The following TMPRSS9 variants were observed in gnomAD, a reference collection of about 807,000 sequenced individuals.
TMPRSS9 encodes the protein transmembrane protease serine 9.
A neutral mutation model predicts 111.4 loss-of-function variants in TMPRSS9; 113 were observed. That is an observed-to-expected ratio of 1.01 (90% CI 0.87 to 1.19). The LOEUF (loss-of-function observed/expected upper bound fraction) is 1.19. TMPRSS9 is among the 50% of genes most tolerant of loss of function. The pLI, the probability that TMPRSS9 is intolerant of heterozygous loss-of-function variation, is 0.00. For synonymous variants in TMPRSS9, 805 were observed against 659.1 expected, an observed-to-expected ratio of 1.22 and a Z score of -3.39; for missense variants, 1,803 against 1,513.1, an observed-to-expected ratio of 1.19 and a Z score of -3.18.
chr19:2,418,162 G>C (rs368313544), intron 13 of TMPRSS9, 24 bp downstream of exon 14: 2 of 1,580,386 alleles, frequency 1.3e-6, no homozygotes, highest in Non-Finnish European at 1.7e-6. Context: ...GGGGGAAAGC[G>C]GGCAATATTT....
At chr19:2,362,003 C>T (rs1322723339) in intron 1 of TMPRSS9, among the ~76,000 whole-genome samples, 1 of 151,816 alleles carries the variant, frequency 6.6e-6, no homozygotes, top group African/African-American at 2.4e-5. Context: ...TGTGTGTGAT[C>T]ATGTGATTGT....
rs201582497 is a variant in TMPRSS9, at chr19:2,418,272, C to T, written c.2154+134C>T. 4.1e-3 allele frequency: 2,881 copies of T among 694,310 alleles called. 181 individuals are homozygous for T. In the African/African-American group the frequency reaches 0.047, roughly 11 times the overall value. 43.0% of individuals were successfully genotyped at this position (694,310 alleles called of 1,614,324 possible). A position where few individuals can be genotyped will look rare whatever the true frequency, so the allele number is the denominator to read the frequency against. On this transcript the variant is annotated intron_variant, in intron 13 of 17. Transcript: ENST00000648592. ...CCCCCCTCCTTCCCTCCTTGTCCTT[C>T]CCTCCTTTTCCTTTCCTCCTTTCCT...
In TMPRSS9 at chr19:2,362,235, T is replaced by C. The variant is rs541343510; in HGVS notation, c.-26+1875T>C. On this transcript the variant is annotated intron_variant, in intron 1 of 17. Coordinates refer to the TMPRSS9 transcript ENST00000649857. ...TTGTGTGGTCGGGTGGGATCGTATA[T>C]GGTTGTGTGTCGATGGCTGTATAAC... is the stretch of plus-strand genomic sequence containing the variant. Among the ~76,000 whole-genome samples the C allele has an allele frequency of 1.4e-4, 21 of 152,148 alleles. No individual in the cohort carries two copies. In the South Asian group the frequency reaches 2.9e-3, roughly 21 times the overall value.
rs576746722 is a variant in TMPRSS9 at position 2,367,895 on chromosome 19, G to C, written c.-26+7535G>C. ...CTGGCTAATTTTTGTATTTTTAGTA[G>C]AGACAGGGTTTTACCATGTTGGCCA... On this transcript the variant is annotated intron_variant, in intron 1 of 17. Coordinates refer to the TMPRSS9 transcript ENST00000649857. Among the ~76,000 whole-genome samples the C allele has an allele frequency of 8.8e-4, 133 of 151,988 alleles. 1 individual carries two copies. The highest frequency in any genetic ancestry group is 1.4e-3 in the Non-Finnish European group (97 of 67,992).
At chr19:2,398,275 G>T (rs774028675) in intron 2 of TMPRSS9, among the ~76,000 whole-genome samples, 4 of 150,762 alleles carry the variant, frequency 2.7e-5, no homozygotes, top group Non-Finnish European at 4.4e-5. Context: ...CACCCCAGGC[G>T]ACAGAGCAAG....
chr19:2,383,351 CAA>C (rs529968946), intron 1 of TMPRSS9, among the ~76,000 whole-genome samples: 3 of 138,162 alleles, frequency 2.2e-5, no homozygotes, highest in Admixed American at 7.4e-5. Flanking sequence ...TAGATTCCGT[CAA>C]AAAAAAAAAA....
upstream of TMPRSS9, among the ~76,000 whole-genome samples, chr19:2,388,298 A>G (rs1466661656): frequency 6.6e-6 from 1 of 152,026 alleles, no homozygotes; most frequent in African/African-American, 2.4e-5. Flanking sequence ...AGGTGGGAGG[A>G]TCGCTTGAGC....
intron 4 of TMPRSS9, among the ~76,000 whole-genome samples, chr19:2,400,050 C>T (rs917801875): frequency 6.6e-6 from 1 of 152,070 alleles, no homozygotes; most frequent in Non-Finnish European, 1.5e-5. Context: ...CTTTGTGGTC[C>T]GTTGGGTTTC....
At chr19:2,425,763 T>G (rs989137549) in intron 17 of TMPRSS9, 164 bp from the exon 19 acceptor site, 79 of 1,162,718 alleles carry the variant, frequency 6.8e-5, no homozygotes, top group Admixed American at 3.9e-4. Flanking sequence ...ACGTGGCGGG[T>G]GTCCATAAAT....
At chr19:2,423,527 T>C (rs1192979461) in intron 14 of TMPRSS9, among the ~76,000 whole-genome samples, 1 of 150,412 alleles carries the variant, frequency 6.6e-6, no homozygotes, top group Non-Finnish European at 1.5e-5. Context: ...GCGGGGGGGC[T>C]TGCCCCTGAG....
chr19:2,422,325 C>T (rs1013868226), intron 14 of TMPRSS9, 78 bp downstream of exon 15: 115 of 1,440,142 alleles, frequency 8.0e-5, no homozygotes, highest in Non-Finnish European at 9.3e-5. Flanking sequence ...CAAGACATAA[C>T]GTCGTCCACT....
intron 1 of TMPRSS9, among the ~76,000 whole-genome samples, chr19:2,391,626 C>G (rs1970599508): frequency 6.6e-6 from 1 of 151,506 alleles, no homozygotes. Flanking sequence ...GTGTCCATCA[C>G]CTAGTGAGAG....
At chr19:2,380,939 C>T (rs763050131) in intron 1 of TMPRSS9, among the ~76,000 whole-genome samples, 9 of 152,078 alleles carry the variant, frequency 5.9e-5, no homozygotes, top group African/African-American at 1.2e-4. Flanking sequence ...TTTATCCTTC[C>T]GAACTTGAAT....
At chr19:2,375,970 TGCCAGA>T (rs1970330380) in intron 1 of TMPRSS9, among the ~76,000 whole-genome samples, 1 of 152,108 alleles carries the variant, frequency 6.6e-6, no homozygotes, top group South Asian at 2.1e-4. Context: ...CCTGTAAAGA[TGCCAGA>T]TGCCCAGTAA....
At chr19:2,418,303 C>CTCT (rs1568189232) in intron 13 of TMPRSS9, among the ~76,000 whole-genome samples, 165 bp downstream of exon 14, 229 of 57,278 alleles carry the variant, frequency 4.0e-3, no homozygotes, top group Admixed American at 6.5e-3. Flanking sequence ...TTCCTTCCCT[C>CTCT]CCTTTCCCTC....
upstream of TMPRSS9, chr19:2,389,712 C>G: frequency 6.6e-7 from 1 of 1,516,418 alleles, no homozygotes; most frequent in Non-Finnish European, 8.9e-7. Flanking sequence ...GGAAGAGAAG[C>G]ACCTTCAGCC....
intron 1 of TMPRSS9, among the ~76,000 whole-genome samples, chr19:2,363,605 T>G (rs569611813): frequency 1.3e-5 from 2 of 151,504 alleles, no homozygotes; most frequent in East Asian, 3.9e-4. Context: ...GAGCTGGTGC[T>G]TGGGGAGGCA....
At chr19:2,424,104 C>A (rs773806691) in exon 15 of TMPRSS9, 2 of 1,315,570 alleles carry the variant, frequency 1.5e-6, no homozygotes, top group South Asian at 2.0e-5. Flanking sequence ...GGCCTGGCGC[C>A]GGCCGCGCTC....
At chr19:2,399,796 C>A (rs1465908606) in intron 4 of TMPRSS9, among the ~76,000 whole-genome samples, 1 of 152,106 alleles carries the variant, frequency 6.6e-6, no homozygotes, top group Non-Finnish European at 1.5e-5. Flanking sequence ...TGGCTCACTG[C>A]AGCTTCTGCC....
Sources: gnomAD v4.1 joint callset for allele counts (sites outside exome capture counted in the v4.1 genomes callset) on GRCh38, gnomAD v4.1.1 for gene constraint, MANE v1.5 for transcripts, NCBI Gene and HGNC (gene_info 2026-07-23, HGNC 2026-07-21) for gene names.